Variants in PALLD observed in about 807,000 individuals in gnomAD.
PALLD encodes palladin, cytoskeletal associated protein, also known as palladin.
Under a neutral mutation model 123.5 loss-of-function variants are expected in PALLD, and 61 were observed. That is an observed-to-expected ratio of 0.49 (90% CI 0.40 to 0.61). PALLD has a LOEUF of 0.61. PALLD is among the 20% of genes least tolerant of loss of function. PALLD has a pLI of 0.00. For missense variants in PALLD, 1,273 were observed against 1,377.0 expected, an observed-to-expected ratio of 0.92 and a Z score of 1.20; for synonymous variants, 465 against 496.4, an observed-to-expected ratio of 0.94 and a Z score of 0.84.
intron 10 of PALLD, among the ~76,000 whole-genome samples, chr4:168,737,572 G>A (rs957136227): frequency 1.3e-5 from 2 of 152,002 alleles, no homozygotes; most frequent in African/African-American, 2.4e-5. Flanking sequence ...GGGCTTTGCA[G>A]TCAAACAAAA....
intron 17 of PALLD, among the ~76,000 whole-genome samples, chr4:168,917,239 G>A (rs575052431): frequency 7.9e-5 from 12 of 151,320 alleles, no homozygotes; most frequent in African/African-American, 2.7e-4. Flanking sequence ...TAGTACAGAC[G>A]GGGTTTCACC....
intron 10 of PALLD, among the ~76,000 whole-genome samples, chr4:168,747,993 A>G (rs2150372594): frequency 6.6e-6 from 1 of 152,346 alleles, no homozygotes; most frequent in Admixed American, 6.5e-5. Context: ...CGTTGTGATC[A>G]GCTTTCTGAA....
At position 168,713,774 on chromosome 4, in the gene PALLD, T is replaced by C. The variant is rs372229163; in HGVS notation, c.1964+1851T>C. 6.0e-5 allele frequency among the ~76,000 whole-genome samples: 9 copies of C among 149,836 alleles called. No individual in the cohort carries two copies. The East Asian group carries it at 1.4e-3, about 23-fold the overall frequency. ...ATATATAAATATATAAATATAAATA[T>C]AAGATAAAATATAAAATAAGATGCA... On this transcript the variant is annotated intron_variant, in intron 10 of 21. Coordinates refer to ENST00000505667, the MANE Select transcript of PALLD (RefSeq NM_001166108.2).
chr4:168,675,299 G>A (rs1000361833), intron 3 of PALLD, among the ~76,000 whole-genome samples: 14 of 152,176 alleles, frequency 9.2e-5, no homozygotes, highest in African/African-American at 2.4e-4. Flanking sequence ...GAGAACCAGC[G>A]TGACACAGAT....
intron 2 of PALLD, among the ~76,000 whole-genome samples, chr4:168,552,145 C>T (rs1766801626): frequency 6.6e-6 from 1 of 152,086 alleles, no homozygotes; most frequent in Non-Finnish European, 1.5e-5. Context: ...GTTTAAGTCA[C>T]CCAAGTTGAC....
chr4:168,818,921 A>G (rs548049025), intron 10 of PALLD, among the ~76,000 whole-genome samples: 209 of 152,332 alleles, frequency 1.4e-3, no homozygotes, highest in Non-Finnish European at 2.0e-3. Flanking sequence ...GAGGACTAGA[A>G]AAGAACATGG....
chr4:168,537,716 A>G (rs1028322532), intron 2 of PALLD: 1 of 152,200 alleles, frequency 6.6e-6, no homozygotes, highest in African/African-American at 2.4e-5. Flanking sequence ...TTTCGCTGGC[A>G]GTCTTGTGGG....
chr4:168,837,603 C>T (rs1745381748), intron 10 of PALLD, among the ~76,000 whole-genome samples: 1 of 152,146 alleles, frequency 6.6e-6, no homozygotes, highest in South Asian at 2.1e-4. Flanking sequence ...AAATGTTGAA[C>T]ACATTTTATG....
intron 10 of PALLD, among the ~76,000 whole-genome samples, chr4:168,883,055 A>G (rs1752835765): frequency 6.7e-6 from 1 of 149,206 alleles, no homozygotes; most frequent in African/African-American, 2.5e-5. Context: ...GCGCCATTGC[A>G]TTCCAGCCTG....
intron 10 of PALLD, among the ~76,000 whole-genome samples, chr4:168,735,087 G>A (rs572974184): frequency 6.6e-6 from 1 of 152,306 alleles, no homozygotes; most frequent in African/African-American, 2.4e-5. Flanking sequence ...GATTGAGCCT[G>A]TTATTCATTG....
intron 2 of PALLD, among the ~76,000 whole-genome samples, chr4:168,545,249 G>C (rs559010034): frequency 6.6e-6 from 1 of 152,216 alleles, no homozygotes; most frequent in Non-Finnish European, 1.5e-5. Flanking sequence ...AAGATTGGCC[G>C]GGTGTGGTGG....
intron 10 of PALLD, among the ~76,000 whole-genome samples, chr4:168,780,804 C>T (rs1307369405): frequency 6.6e-6 from 1 of 152,026 alleles, no homozygotes; most frequent in Non-Finnish European, 1.5e-5. Context: ...TCTCCTGCCT[C>T]AGCCTCCCGA....
At position 168,880,827 on chromosome 4, in the gene PALLD, T is replaced by C. The variant is rs1025972889; in HGVS notation, c.1965-10095T>C. Among the ~76,000 whole-genome samples, 4 of 152,276 alleles carry C rather than the reference T, an allele frequency of 2.6e-5. No homozygotes were observed. The South Asian group carries it at 6.2e-4, about 24-fold the overall frequency. On this transcript the variant is annotated intron_variant, in intron 10 of 21. Coordinates refer to ENST00000505667, the MANE Select transcript of PALLD (RefSeq NM_001166108.2). ...GTTGATTATATGTAACACAATGAAG[T>C]AGAAATTCATTAGGTTTTTTTCACT...
At chr4:168,825,160 A>G (rs918872325) in intron 10 of PALLD, among the ~76,000 whole-genome samples, 1 of 152,118 alleles carries the variant, frequency 6.6e-6, no homozygotes, top group Non-Finnish European at 1.5e-5. Context: ...ATTCTCTCCT[A>G]TGGAGCTTAT....
intron 2 of PALLD, among the ~76,000 whole-genome samples, chr4:168,640,352 C>A (rs1776817730): frequency 6.6e-6 from 1 of 152,138 alleles, no homozygotes; most frequent in South Asian, 2.1e-4. Flanking sequence ...AATTCTTAAC[C>A]CCAGCTACTG....
intron 3 of PALLD, among the ~76,000 whole-genome samples, chr4:168,677,000 C>A (rs529300729): frequency 6.6e-6 from 1 of 152,088 alleles, no homozygotes; most frequent in East Asian, 1.9e-4. Context: ...CTTCACTCTG[C>A]GTGGGAGGCA....
At chr4:168,627,080 TA>T in intron 2 of PALLD, among the ~76,000 whole-genome samples, 1 of 152,378 alleles carries the variant, frequency 6.6e-6, no homozygotes, top group Non-Finnish European at 1.5e-5. Context: ...ATTGAGATGG[TA>T]TATTTTATGT....
intron 10 of PALLD, among the ~76,000 whole-genome samples, chr4:168,858,491 A>G (rs1348128896): frequency 6.6e-6 from 1 of 152,276 alleles, no homozygotes; most frequent in East Asian, 1.9e-4. Context: ...CTTGGTTCAG[A>G]AGATTGTATT....
At chr4:168,912,122 C>T (rs1443255077) in intron 15 of PALLD, among the ~76,000 whole-genome samples, 11 of 152,170 alleles carry the variant, frequency 7.2e-5, no homozygotes, top group Admixed American at 6.5e-4. Flanking sequence ...CTAGTGCCCT[C>T]ACCCTGACCC....
Sources: allele counts gnomAD v4.1 joint callset (sites outside exome capture counted in the v4.1 genomes callset), GRCh38; gene constraint gnomAD v4.1.1; transcripts MANE v1.5; gene names NCBI Gene and HGNC (gene_info 2026-07-23, HGNC 2026-07-21).